The following FFAR4 variants were observed in gnomAD, a reference collection of about 807,000 sequenced individuals.
The protein encoded by FFAR4 is G-protein coupled receptor 120.
FFAR4 carries 19 observed loss-of-function variants against 27.0 expected under a neutral mutation model. That is an observed-to-expected ratio of 0.70 (90% CI 0.49 to 1.03). The LOEUF (loss-of-function observed/expected upper bound fraction) is 1.03, where lower values mean the gene tolerates loss of function less well. Ranked by LOEUF, FFAR4 falls within the 50% of genes least tolerant of loss-of-function variation. The pLI, the probability that FFAR4 is intolerant of heterozygous loss-of-function variation, is 0.00. For missense variants in FFAR4, 476 were observed against 479.0 expected, an observed-to-expected ratio of 0.99 and a Z score of 0.06; for synonymous variants, 254 against 215.6, an observed-to-expected ratio of 1.18 and a Z score of -1.56.
chr10:93,587,068 C>G lies in FFAR4; in HGVS notation c.697-152C>G. ...GGAGTGCAGCCGGGGTCCCATTTCT[C>G]CAGCACATCCTAAGCTCGGGCACAC... On this transcript the variant is annotated intron_variant, in intron 2 of 2. Transcript: ENST00000371481. The G allele has an allele frequency of 4.7e-6, 3 of 644,804 alleles. No individual in the cohort carries two copies. In the South Asian group the frequency reaches 6.4e-5, roughly 14 times the overall value. The allele number at this position is 644,804 out of a possible 1,614,324, so 39.9% of individuals were successfully genotyped here. A position where few individuals can be genotyped will look rare whatever the true frequency, so the allele number is the denominator to read the frequency against.
At chr10:93,572,475 G>T (rs1319569689) in intron 1 of FFAR4, among the ~76,000 whole-genome samples, 1 of 152,214 alleles carries the variant, frequency 6.6e-6, no homozygotes, top group Admixed American at 6.5e-5. Flanking sequence ...GTTGGCAGAG[G>T]AGAGGGAGAA....
chr10:93,579,068 T>C, intron 2 of FFAR4: 4 of 1,149,622 alleles, frequency 3.5e-6, no homozygotes, highest in Non-Finnish European at 5.3e-6. Flanking sequence ...GGGGCAGCTG[T>C]CCTTTTAGCC....
intron 2 of FFAR4, among the ~76,000 whole-genome samples, chr10:93,583,484 T>A (rs190670399): frequency 6.6e-6 from 1 of 151,184 alleles, no homozygotes. Context: ...GTCGCATGAG[T>A]GCCTGAAACA....
intron 2 of FFAR4, among the ~76,000 whole-genome samples, chr10:93,578,705 C>T (rs559739797): frequency 3.3e-5 from 5 of 152,282 alleles, no homozygotes; most frequent in South Asian, 4.1e-4. Flanking sequence ...TAAATTATGA[C>T]GGTCGTGATT....
intron 1 of FFAR4, among the ~76,000 whole-genome samples, chr10:93,569,653 C>A (rs1184727327): frequency 1.3e-5 from 2 of 151,886 alleles, no homozygotes; most frequent in Non-Finnish European, 2.9e-5. Context: ...GGCAAAGCCA[C>A]TGGGAGAGAA....
At chr10:93,580,031 G>A (rs781323100) in intron 2 of FFAR4, among the ~76,000 whole-genome samples, 3 of 152,144 alleles carry the variant, frequency 2.0e-5, no homozygotes, top group Non-Finnish European at 4.4e-5. Context: ...CATTTCCCAG[G>A]AGGACTATGA....
At chr10:93,570,864 T>C (rs2058128108) in intron 1 of FFAR4, among the ~76,000 whole-genome samples, 1 of 152,180 alleles carries the variant, frequency 6.6e-6, no homozygotes, top group African/African-American at 2.4e-5. Context: ...GGGAGCTTCA[T>C]GACAGAATCC....
intron 1 of FFAR4, among the ~76,000 whole-genome samples, chr10:93,569,470 T>C (rs1564781299): frequency 6.6e-6 from 1 of 152,176 alleles, no homozygotes; most frequent in Non-Finnish European, 1.5e-5. Flanking sequence ...ACCGCACCAC[T>C]GTTAGGGAAT....
intron 1 of FFAR4, among the ~76,000 whole-genome samples, chr10:93,575,506 G>A (rs559273187): frequency 1.3e-5 from 2 of 152,342 alleles, no homozygotes; most frequent in East Asian, 3.9e-4. Context: ...GTCTGTGAGT[G>A]GAGGCTGATC....
intron 1 of FFAR4, among the ~76,000 whole-genome samples, chr10:93,575,132 C>CA (rs1564782930): frequency 6.6e-6 from 1 of 152,202 alleles, no homozygotes; most frequent in African/African-American, 2.4e-5. Flanking sequence ...CTTGGCCCTT[C>CA]AAAATCAATA....
chr10:93,583,246 CAAA>C (rs56030960), intron 2 of FFAR4, among the ~76,000 whole-genome samples: 7,552 of 102,244 alleles, frequency 0.074, 378 homozygotes, highest in African/African-American at 0.15. Context: ...ACTAAAAATA[CAAA>C]AAAAAAAAAA....
Position 93,567,313 on chromosome 10 carries a change from G to A in FFAR4, c.567+26G>A, listed in dbSNP as rs771265658. The A allele has an allele frequency of 4.4e-6, 7 of 1,588,512 alleles. No homozygotes were observed. The South Asian group carries it at 5.6e-5, about 13-fold the overall frequency. On this transcript the variant is annotated intron_variant, in intron 1 of 2. Transcript: ENST00000371481. ...GTGAGCGCCCCTCTGTGTGTGCCGG[G>A]CAGGTGTCCTGCGCAGGCTGGGAAG... is the stretch of plus-strand genomic sequence containing the variant.
rs757034683 is a variant in FFAR4, at chr10:93,567,217, C to T, written c.497C>T (p.Ser166Leu). 5.0e-6 allele frequency: 8 copies of T among 1,601,414 alleles called. No homozygotes were observed. The Admixed American group carries it at 1.3e-4, about 27-fold the overall frequency. ...AVLLALIWGY[S>L]AVAALPLCVF... ...CTGCTGGCGCTCATCTGGGGCTATT[C>T]GGCGGTCGCCGCTCTGCCTCTCTGC... The change falls in exon 1 of 3, where the codon TCG becomes TTG. Residue 166 changes from serine (S) to leucine (L), a missense_variant. By Grantham distance (145) the Ser-to-Leu change is moderately radical (BLOSUM62 -2). Transcript: ENST00000371481.
intron 1 of FFAR4, among the ~76,000 whole-genome samples, chr10:93,572,953 C>T (rs2058140462): frequency 6.6e-6 from 1 of 152,156 alleles, no homozygotes; most frequent in Non-Finnish European, 1.5e-5. Context: ...CACACTTATC[C>T]CTTCACTGTG....
intron 2 of FFAR4, among the ~76,000 whole-genome samples, chr10:93,585,026 C>T (rs1240322301): frequency 2.0e-5 from 3 of 152,270 alleles, no homozygotes; most frequent in South Asian, 2.1e-4. Flanking sequence ...AGTATTCTAA[C>T]GGGAATATTT....
At position 93,583,687 on chromosome 10, in the gene FFAR4, T is replaced by G. The variant is rs76074168; in HGVS notation, c.697-3533T>G. On this transcript the variant is annotated intron_variant, in intron 2 of 2. Transcript: ENST00000371481. ...CAAGTTGGCAGTCCACCTCGGCAGC[T>G]TCTTAGCTGAGTACTGGTGGGCAAG... is the stretch of plus-strand genomic sequence containing the variant. Among the ~76,000 whole-genome samples, 970 of 152,322 alleles carry G rather than the reference T, an allele frequency of 6.4e-3. 14 individuals are homozygous for G. The highest frequency in any genetic ancestry group is 0.022 in the African/African-American group (935 of 41,570).
At chr10:93,587,174 A>T (rs2058232568) in intron 2 of FFAR4, 46 bp from the exon 3 acceptor site, 2 of 1,551,062 alleles carry the variant, frequency 1.3e-6, no homozygotes, top group Admixed American at 1.9e-5. Flanking sequence ...AATCCCCAAC[A>T]ACCCTCGGTC....
In FFAR4 at chr10:93,589,781, G is replaced by A. The variant is rs560265756; in HGVS notation, c.*2172G>A. 1 of 152,182 alleles carries A rather than the reference G, an allele frequency of 6.6e-6. No homozygotes were observed. The highest frequency in any genetic ancestry group is 1.5e-5 in the Non-Finnish European group (1 of 68,064). The allele number at this position is 152,182 out of a possible 1,614,324, so 9.4% of individuals were successfully genotyped here. On this transcript the variant is annotated 3_prime_UTR_variant, in exon 3 of 3. Transcript: ENST00000371481. ...GGTTTTATAATACATCCCTTGGAGA[G>A]ATAGAGAGAAACCAGAGCCAAAGAC...
At chr10:93,583,182 C>T (rs1053536021) in intron 2 of FFAR4, among the ~76,000 whole-genome samples, 3 of 147,948 alleles carry the variant, frequency 2.0e-5, no homozygotes, top group Non-Finnish European at 3.0e-5. Context: ...GCGGGTGGAT[C>T]ACGAGGTCAG....
Sources: gnomAD v4.1 joint callset for allele counts (sites outside exome capture counted in the v4.1 genomes callset) on GRCh38, gnomAD v4.1.1 for gene constraint, MANE v1.5 for transcripts, NCBI Gene and HGNC (gene_info 2026-07-23, HGNC 2026-07-21) for gene names.